The following ZFHX3 variants were observed in gnomAD, a reference collection of about 807,000 sequenced individuals.
ZFHX3 encodes zinc finger homeobox protein 3.
A neutral mutation model predicts 279.1 loss-of-function variants in ZFHX3; 42 were observed. That is an observed-to-expected ratio of 0.15 (90% CI 0.12 to 0.19). ZFHX3 has a LOEUF of 0.19. Among genes scored for constraint, ZFHX3 ranks in the 10% least tolerant of loss-of-function variants. ZFHX3 has a pLI of 1.00. For missense variants in ZFHX3, 4,981 were observed against 4,754.0 expected, an observed-to-expected ratio of 1.05 and a Z score of -1.40; for synonymous variants, 2,293 against 1,957.8, an observed-to-expected ratio of 1.17 and a Z score of -4.52.
intron 4 of ZFHX3, among the ~76,000 whole-genome samples, chr16:72,853,074 T>G (rs1446462508): frequency 6.6e-6 from 1 of 152,208 alleles, no homozygotes; most frequent in Admixed American, 6.5e-5. Context: ...GAAAATCACC[T>G]CTTTGACTCT....
At chr16:73,108,206 C>A (rs186251805) in intron 7 of ZFHX3, among the ~76,000 whole-genome samples, 162 of 151,878 alleles carry the variant, frequency 1.1e-3, no homozygotes, top group African/African-American at 3.8e-3. Context: ...TGGTGGTGTG[C>A]CCCCGTGGTC....
intron 3 of ZFHX3, among the ~76,000 whole-genome samples, chr16:72,937,488 T>C (rs1296486536): frequency 3.9e-5 from 6 of 152,224 alleles, no homozygotes; most frequent in Non-Finnish European, 1.5e-5. Flanking sequence ...GTGTCACTTC[T>C]GGATCCAGCA....
intron 1 of ZFHX3, among the ~76,000 whole-genome samples, chr16:73,037,362 T>C (rs2144692043): frequency 6.6e-6 from 1 of 152,270 alleles, no homozygotes; most frequent in South Asian, 2.1e-4. Context: ...AGATATGAAA[T>C]GTCCCACTGA....
At chr16:73,297,227 A>G (rs2143118957) in intron 4 of ZFHX3, among the ~76,000 whole-genome samples, 1 of 152,084 alleles carries the variant, frequency 6.6e-6, no homozygotes, top group South Asian at 2.1e-4. Context: ...TGAGGTTAAG[A>G]AAGGCTAAGT....
At chr16:73,883,529 G>A (rs1490310447) in intron 1 of ZFHX3, among the ~76,000 whole-genome samples, 4 of 151,874 alleles carry the variant, frequency 2.6e-5, no homozygotes, top group African/African-American at 9.7e-5. Flanking sequence ...ACAATGACAT[G>A]TGCACACATT....
chr16:72,889,510 A>G (rs2038716873), intron 4 of ZFHX3, among the ~76,000 whole-genome samples: 2 of 151,724 alleles, frequency 1.3e-5, no homozygotes, highest in South Asian at 4.2e-4. Flanking sequence ...AAAAAAGAAG[A>G]AGAAGAAGAA....
At chr16:73,097,878 A>G (rs946389349) in intron 7 of ZFHX3, among the ~76,000 whole-genome samples, 3 of 152,170 alleles carry the variant, frequency 2.0e-5, no homozygotes, top group African/African-American at 7.2e-5. Context: ...AATGTTTTCA[A>G]GGTTCATCCA....
intron 2 of ZFHX3, among the ~76,000 whole-genome samples, chr16:73,507,479 C>T (rs2019346994): frequency 1.5e-5 from 2 of 133,678 alleles, no homozygotes; most frequent in East Asian, 2.7e-4. Flanking sequence ...AAATTCAGCT[C>T]TGCCACTTTT....
intron 1 of ZFHX3, among the ~76,000 whole-genome samples, chr16:72,991,221 T>C (rs753125919): frequency 2.6e-5 from 4 of 152,230 alleles, no homozygotes; most frequent in Non-Finnish European, 4.4e-5. Context: ...TGTTCTATTT[T>C]ATTATTAGTT....
At chr16:72,991,604 T>C (rs1324847724) in intron 1 of ZFHX3, among the ~76,000 whole-genome samples, 1 of 152,260 alleles carries the variant, frequency 6.6e-6, no homozygotes, top group South Asian at 2.1e-4. Flanking sequence ...TTAATGCTTA[T>C]ATTAATATTT....
At chr16:73,112,075 G>C (rs895242306) in intron 7 of ZFHX3, among the ~76,000 whole-genome samples, 1 of 151,986 alleles carries the variant, frequency 6.6e-6, no homozygotes, top group African/African-American at 2.4e-5. Context: ...TCCTTTTCTA[G>C]AGGTGCTCTA....
At chr16:73,282,408 C>G (rs1013321945) in intron 4 of ZFHX3, among the ~76,000 whole-genome samples, 6 of 152,142 alleles carry the variant, frequency 3.9e-5, no homozygotes, top group African/African-American at 1.4e-4. Context: ...TGCTTTTTAT[C>G]TGTAATTCTG....
At chr16:72,901,567 A>G (rs1418422628) in intron 3 of ZFHX3, among the ~76,000 whole-genome samples, 1 of 152,222 alleles carries the variant, frequency 6.6e-6, no homozygotes, top group Non-Finnish European at 1.5e-5. Context: ...GCGAGGCAGA[A>G]AAACTCCCTC....
At chr16:73,088,001 T>C (rs1336330640) in intron 8 of ZFHX3, among the ~76,000 whole-genome samples, 1 of 152,110 alleles carries the variant, frequency 6.6e-6, no homozygotes, top group Non-Finnish European at 1.5e-5. Context: ...GCTGATTTTG[T>C]ATTTTTAGTA....
At chr16:73,489,566 A>C (rs1184820853) in intron 2 of ZFHX3, among the ~76,000 whole-genome samples, 1 of 152,214 alleles carries the variant, frequency 6.6e-6, no homozygotes, top group Admixed American at 6.5e-5. Flanking sequence ...AACAAATACC[A>C]ATGCTAGCAA....
In ZFHX3 at chr16:73,287,469, T is replaced by A. The variant is rs536900405; in HGVS notation, c.-1193-30333A>T. ...GGTGGTGGGTGTGTGGCTGTGTGGG[T>A]CGGTGTGTGGCTGTGTGGGTTGATG... is the stretch of plus-strand genomic sequence containing the variant. On this transcript the variant is annotated intron_variant, in intron 4 of 17. Coordinates refer to the ZFHX3 transcript ENST00000641206. Among the ~76,000 whole-genome samples, 503 of 126,448 alleles carry A rather than the reference T, an allele frequency of 4.0e-3. 4 individuals are homozygous for A. Among genetic ancestry groups the A allele is most frequent in the Non-Finnish European group, 4.1e-3 (251 of 60,842 alleles). The allele number at this position is 126,448 out of a possible 152,430, so 83.0% of individuals were successfully genotyped here.
At chr16:72,851,179 G>C (rs940126227) in intron 4 of ZFHX3, among the ~76,000 whole-genome samples, 1 of 152,150 alleles carries the variant, frequency 6.6e-6, no homozygotes, top group Non-Finnish European at 1.5e-5. Flanking sequence ...GCAGGGACCA[G>C]AGAGAGATGC....
At position 73,468,704 on chromosome 16, in the gene ZFHX3, A is replaced by G. The variant is rs9933524; in HGVS notation, c.-1546-12446T>C. ...GTGAGCCGAGATTGCACCACTGCAC[A>G]AAGAAAAAATTATACTACTATGAAA... On this transcript the variant is annotated intron_variant, in intron 2 of 17. Transcript: ENST00000641206. Among the ~76,000 whole-genome samples the G allele has an allele frequency of 3.6e-3, 555 of 152,224 alleles. 2 individuals carry two copies. The highest frequency in any genetic ancestry group is 0.013 in the African/African-American group (537 of 41,548).
intron 5 of ZFHX3, among the ~76,000 whole-genome samples, chr16:72,820,525 G>A (rs1015406581): frequency 2.0e-5 from 3 of 152,138 alleles, no homozygotes; most frequent in African/African-American, 4.8e-5. Context: ...CCGTGAGCCC[G>A]GCTCATGCCA....
Sources: allele counts gnomAD v4.1 joint callset (sites outside exome capture counted in the v4.1 genomes callset), GRCh38; gene constraint gnomAD v4.1.1; transcripts MANE v1.5; gene names NCBI Gene and HGNC (gene_info 2026-07-23, HGNC 2026-07-21).